Variants in KANK1 observed in about 807,000 individuals in gnomAD.
KANK1 encodes KN motif and ankyrin repeat domains 1.
In KANK1, 109 loss-of-function variants were observed where a neutral mutation model predicts 106.2. The ratio of observed to expected loss-of-function variants is 1.03; its 90% CI spans 0.88 to 1.20. KANK1 has a LOEUF of 1.20. Among genes scored for constraint, KANK1 ranks in the 50% most tolerant of loss-of-function variants. KANK1 has a pLI of 0.00. For synonymous variants in KANK1, 873 were observed against 652.2 expected, an observed-to-expected ratio of 1.34 and a Z score of -5.16; for missense variants, 2,399 against 1,710.7, an observed-to-expected ratio of 1.40 and a Z score of -7.10.
chr9:708,641 T>C (rs1190423983), intron 2 of KANK1, among the ~76,000 whole-genome samples: 2 of 152,168 alleles, frequency 1.3e-5, no homozygotes, highest in African/African-American at 4.8e-5. Context: ...GAAGTGTTCT[T>C]CACAGCATTC....
chr9:483,012 A>G (rs2058232455), intron 3 of KANK1, among the ~76,000 whole-genome samples: 1 of 152,200 alleles, frequency 6.6e-6, no homozygotes. Flanking sequence ...TTATCAGGTC[A>G]ACTGTCGCAG....
chr9:611,942 T>A (rs1271618516), intron 1 of KANK1, among the ~76,000 whole-genome samples: 2 of 152,158 alleles, frequency 1.3e-5, no homozygotes, highest in African/African-American at 4.8e-5. Flanking sequence ...ATGGTCTCGA[T>A]CTCCTGACCT....
At chr9:655,967 G>A (rs1842050200) in intron 1 of KANK1, among the ~76,000 whole-genome samples, 1 of 152,166 alleles carries the variant, frequency 6.6e-6, no homozygotes, top group South Asian at 2.1e-4. Context: ...TTGCCTTCTG[G>A]CTTCCTCCTT....
chr9:662,981 A>T (rs1462085272), intron 1 of KANK1, among the ~76,000 whole-genome samples: 1 of 152,136 alleles, frequency 6.6e-6, no homozygotes, highest in East Asian at 1.9e-4. Context: ...ATTTAACTAA[A>T]ACTTGTTTTC....
chr9:744,923 G>A, intron 11 of KANK1: 2 of 1,424,446 alleles, frequency 1.4e-6, no homozygotes, highest in Non-Finnish European at 1.8e-6. Context: ...GAAGCAGATG[G>A]CAGGCAGCCT....
chr9:471,538 A>T (rs1375048303), intron 2 of KANK1: 3 of 152,200 alleles, frequency 2.0e-5, no homozygotes, highest in Non-Finnish European at 2.9e-5. Flanking sequence ...CAAAGTAAAT[A>T]AGATAAAGTC....
At chr9:698,040 G>C (rs1821744627) in intron 2 of KANK1, among the ~76,000 whole-genome samples, 1 of 152,188 alleles carries the variant, frequency 6.6e-6, no homozygotes, top group Non-Finnish European at 1.5e-5. Flanking sequence ...GTGGGTGGAA[G>C]TTTTGCGTTT....
intron 1 of KANK1, among the ~76,000 whole-genome samples, chr9:650,336 A>C (rs1322439407): frequency 6.6e-6 from 1 of 152,226 alleles, no homozygotes; most frequent in Non-Finnish European, 1.5e-5. Context: ...AAGACAAATC[A>C]GGGGAATGGA....
rs537861181 is a variant in KANK1, at chr9:477,273, G to A, written c.-362+4000G>A. Among the ~76,000 whole-genome samples the A allele has an allele frequency of 2.7e-5, 4 of 150,638 alleles. No individual in the cohort carries two copies. In the South Asian group the frequency reaches 6.3e-4, roughly 24 times the overall value. On this transcript the variant is annotated intron_variant, in intron 3 of 15. Transcript: ENST00000382303. ...AAGGTAATTCTTATGACTCAGGGAG[G>A]TTTGAGATTGTTACAGCAGGAATGC...
chr9:504,736 T>C lies in KANK1; in HGVS notation c.-102T>C, dbSNP rs2058649073. 7.7e-6 allele frequency: 1 copy of C among 130,526 alleles called. No homozygotes were observed. The highest frequency in any genetic ancestry group is 2.6e-4 in the South Asian group (1 of 3,860). The allele number at this position is 130,526 out of a possible 1,614,324, so 8.1% of individuals were successfully genotyped here. A position where few individuals can be genotyped will look rare whatever the true frequency, so the allele number is the denominator to read the frequency against. ...GCGGAGCGAGCGAGCGGCCGGCAGG[T>C]TGGGAGGAGCGGCCGAAGGTGAGTG... On this transcript the variant is annotated 5_prime_UTR_variant, in exon 1 of 12. Transcript: ENST00000382297.
rs1175822024 is a variant in KANK1, at chr9:608,031, A to ATT, written c.-83-68858_-83-68857dup. 1.5e-3 allele frequency among the ~76,000 whole-genome samples: 136 copies of ATT among 88,084 alleles called. 1 individual carries two copies. The highest frequency in any genetic ancestry group is 5.3e-3 in the East Asian group (23 of 4,372). The allele number at this position is 88,084 out of a possible 152,430, so 57.8% of individuals were successfully genotyped here. ...TTTCAGAATTATTATTATTATTATT[A>ATT]TTATTTTTTTTTTTTTTGAGACGGA... is the stretch of plus-strand genomic sequence containing the variant. On this transcript the variant is annotated intron_variant, in intron 1 of 11. Transcript: ENST00000382297.
At chr9:622,097 A>T (rs759443255) in intron 1 of KANK1, among the ~76,000 whole-genome samples, 36 of 152,130 alleles carry the variant, frequency 2.4e-4, no homozygotes, top group Non-Finnish European at 4.3e-4. Context: ...TTGTTGTGTC[A>T]TGGGAATTTA....
chr9:721,925 G>T (rs570659572), intron 3 of KANK1, among the ~76,000 whole-genome samples: 97 of 152,352 alleles, frequency 6.4e-4, no homozygotes, highest in African/African-American at 2.2e-3. Context: ...TAAGCAAGAA[G>T]AAATTAGAGC....
intron 1 of KANK1, among the ~76,000 whole-genome samples, chr9:551,357 G>A (rs1408342005): frequency 2.6e-5 from 4 of 152,064 alleles, no homozygotes; most frequent in South Asian, 2.1e-4. Flanking sequence ...TGGTTTTATA[G>A]GCGTGATTCC....
intron 2 of KANK1, chr9:707,023 G>T (rs1234855484): frequency 1.0e-6 from 1 of 985,498 alleles, no homozygotes; most frequent in Non-Finnish European, 1.2e-6. Context: ...CAGGGAATGC[G>T]GAACAGCTGA....
chr9:727,894 A>G (rs950274988), intron 3 of KANK1, among the ~76,000 whole-genome samples: 1 of 152,192 alleles, frequency 6.6e-6, no homozygotes, highest in African/African-American at 2.4e-5. Flanking sequence ...AACGGAATAG[A>G]TCCCTCCTGT....
At chr9:719,826 C>G (rs536182244) in intron 3 of KANK1, among the ~76,000 whole-genome samples, 1 of 152,232 alleles carries the variant, frequency 6.6e-6, no homozygotes, top group Non-Finnish European at 1.5e-5. Flanking sequence ...GCTCACGCCA[C>G]TGCAGCCCCC....
At chr9:510,446 C>G (rs1167217137) in intron 1 of KANK1, among the ~76,000 whole-genome samples, 2 of 152,142 alleles carry the variant, frequency 1.3e-5, no homozygotes, top group Non-Finnish European at 2.9e-5. Flanking sequence ...AAATGCAGTG[C>G]TTGTTTAAGT....
chr9:593,074 G>C (rs542092579), intron 1 of KANK1, among the ~76,000 whole-genome samples: 1 of 151,734 alleles, frequency 6.6e-6, no homozygotes, highest in Non-Finnish European at 1.5e-5. Flanking sequence ...AGACAATCTT[G>C]TTTTAGATAA....
Sources: gnomAD v4.1 joint callset for allele counts (sites outside exome capture counted in the v4.1 genomes callset) on GRCh38, gnomAD v4.1.1 for gene constraint, MANE v1.5 for transcripts, NCBI Gene and HGNC (gene_info 2026-07-23, HGNC 2026-07-21) for gene names.